MAGI2: variants seen among roughly 807,000 people sequenced by gnomAD.
MAGI2 encodes membrane associated guanylate kinase, WW and PDZ domain containing 2.
MAGI2 carries 35 observed loss-of-function variants against 133.3 expected under a neutral mutation model. The ratio of observed to expected loss-of-function variants is 0.26; its 90% CI spans 0.20 to 0.35. The LOEUF (loss-of-function observed/expected upper bound fraction) is 0.35, where lower values mean the gene tolerates loss of function less well. Among genes scored for constraint, MAGI2 ranks in the 10% least tolerant of loss-of-function variants. The pLI is 1.00. For missense variants in MAGI2, 1,636 were observed against 1,863.4 expected, an observed-to-expected ratio of 0.88 and a Z score of 2.25; for synonymous variants, 729 against 710.6, an observed-to-expected ratio of 1.03 and a Z score of -0.41.
At chr7:78,498,434 C>T (rs1223248490) in intron 5 of MAGI2, among the ~76,000 whole-genome samples, 1 of 152,078 alleles carries the variant, frequency 6.6e-6, no homozygotes. Flanking sequence ...GTCATAGAAG[C>T]AAAGGTTCTC....
intron 2 of MAGI2, among the ~76,000 whole-genome samples, chr7:78,753,537 A>G (rs1027912542): frequency 6.6e-6 from 1 of 152,128 alleles, no homozygotes; most frequent in African/African-American, 2.4e-5. Context: ...TGGCAGAAAA[A>G]ATATTTAAAT....
intron 10 of MAGI2, among the ~76,000 whole-genome samples, chr7:78,207,212 C>T (rs184908419): frequency 2.1e-5 from 3 of 144,008 alleles, no homozygotes; most frequent in African/African-American, 5.1e-5. Flanking sequence ...CCCACACAGA[C>T]CTTTCTACCT....
In MAGI2 at chr7:78,221,190, G is replaced by A. The variant is rs144196698; in HGVS notation, c.2048-19997C>T. Among the ~76,000 whole-genome samples the A allele has an allele frequency of 5.3e-5, 8 of 152,250 alleles. No homozygotes were observed. In the East Asian group the frequency reaches 1.4e-3, roughly 26 times the overall value. Reference sequence around the variant, plus strand: ...GGCTTTGTCAGATTTAAATTCCCAGGACAGGTTCAACAGTCTATTTTTCCT... The same window carrying A: ...GGCTTTGTCAGATTTAAATTCCCAGAACAGGTTCAACAGTCTATTTTTCCT... On this transcript the variant is annotated intron_variant, in intron 10 of 21. Coordinates refer to ENST00000354212, the MANE Select transcript of MAGI2 (RefSeq NM_012301.4).
intron 1 of MAGI2, among the ~76,000 whole-genome samples, chr7:79,171,520 C>G (rs1300930905): frequency 6.6e-6 from 1 of 151,234 alleles, no homozygotes; most frequent in African/African-American, 2.4e-5. Flanking sequence ...GATAATTGCC[C>G]ATTTTGGAAA....
intron 2 of MAGI2, among the ~76,000 whole-genome samples, chr7:78,797,368 T>A (rs973549598): frequency 1.3e-5 from 2 of 152,120 alleles, no homozygotes; most frequent in African/African-American, 4.8e-5. Context: ...TTTCTTTTAA[T>A]ATATTATGTG....
chr7:79,204,877 A>G (rs1228661261), intron 1 of MAGI2, among the ~76,000 whole-genome samples: 1 of 151,988 alleles, frequency 6.6e-6, no homozygotes, highest in African/African-American at 2.4e-5. Flanking sequence ...ACGAAGCAGA[A>G]GAAAGAATCT....
chr7:78,294,791 A>AACTT (rs1473735021), intron 9 of MAGI2, among the ~76,000 whole-genome samples: 4 of 152,274 alleles, frequency 2.6e-5, no homozygotes, highest in Admixed American at 6.5e-5. Flanking sequence ...CATCATTAGG[A>AACTT]ACTTACAGTC....
chr7:78,070,586 ATATATATG>A (rs1814550478), intron 21 of MAGI2, among the ~76,000 whole-genome samples: 1 of 68,238 alleles, frequency 1.5e-5, no homozygotes. Flanking sequence ...ATATATGTGT[ATATATATG>A]TGTATATATG....
At chr7:78,381,747 T>C (rs991613348) in intron 6 of MAGI2, among the ~76,000 whole-genome samples, 1 of 152,198 alleles carries the variant, frequency 6.6e-6, no homozygotes, top group Admixed American at 6.5e-5. Context: ...AACACTATAT[T>C]GAGACATCAT....
At chr7:78,293,383 A>C (rs1796918555) in intron 9 of MAGI2, among the ~76,000 whole-genome samples, 2 of 152,204 alleles carry the variant, frequency 1.3e-5, no homozygotes, top group African/African-American at 4.8e-5. Flanking sequence ...AACCACAATG[A>C]GATACCATCT....
chr7:78,703,833 A>AAC (rs550121443), intron 2 of MAGI2, among the ~76,000 whole-genome samples: 8 of 31,216 alleles, frequency 2.6e-4, no homozygotes, highest in East Asian at 4.3e-3. Flanking sequence ...TACACACACA[A>AAC]ACACACACAC....
At chr7:79,051,291 A>G (rs990134842) in intron 1 of MAGI2, among the ~76,000 whole-genome samples, 1 of 152,216 alleles carries the variant, frequency 6.6e-6, no homozygotes, top group African/African-American at 2.4e-5. Flanking sequence ...CGTGTTACCA[A>G]GACCCCTCAT....
intron 10 of MAGI2, chr7:78,251,498 C>T (rs1378312392): frequency 2.0e-5 from 3 of 151,952 alleles, no homozygotes; most frequent in African/African-American, 7.3e-5. Context: ...CAAAAAGCCT[C>T]CAGACTTAAA....
At chr7:78,163,823 CA>C in intron 15 of MAGI2, among the ~76,000 whole-genome samples, 1 of 147,722 alleles carries the variant, frequency 6.8e-6, no homozygotes. Flanking sequence ...AGGAGAATGG[CA>C]GGAACCCAGG....
intron 3 of MAGI2, among the ~76,000 whole-genome samples, chr7:78,603,823 T>C (rs1458933074): frequency 1.3e-5 from 2 of 152,144 alleles, no homozygotes; most frequent in Non-Finnish European, 2.9e-5. Flanking sequence ...GCCCAGCCAA[T>C]ATTTCTATTT....
At chr7:79,196,626 T>A (rs995091762) in intron 1 of MAGI2, among the ~76,000 whole-genome samples, 3 of 152,034 alleles carry the variant, frequency 2.0e-5, no homozygotes, top group African/African-American at 4.8e-5. Context: ...ATGACTATTG[T>A]TCACTGTAGT....
intron 6 of MAGI2, among the ~76,000 whole-genome samples, chr7:78,466,341 A>G (rs186521024): frequency 6.6e-6 from 1 of 152,296 alleles, no homozygotes; most frequent in Non-Finnish European, 1.5e-5. Context: ...TCCACTTTGC[A>G]CTGGAAGTGC....
chr7:78,091,456 T>G (rs1255002652), intron 20 of MAGI2, among the ~76,000 whole-genome samples: 1 of 152,172 alleles, frequency 6.6e-6, no homozygotes, highest in Non-Finnish European at 1.5e-5. Flanking sequence ...TACAAATTAC[T>G]CAGTCTCAGG....
intron 1 of MAGI2, among the ~76,000 whole-genome samples, chr7:79,039,847 CATATATATTATATATATATA>C (rs1811470563): frequency 7.1e-6 from 1 of 140,420 alleles, no homozygotes; most frequent in African/African-American, 2.6e-5. Context: ...ATTATATATA[CATATATATTATATATATATA>C]ATATATATGT....
Sources: gnomAD v4.1 joint callset for allele counts (sites outside exome capture counted in the v4.1 genomes callset) on GRCh38, gnomAD v4.1.1 for gene constraint, MANE v1.5 for transcripts, NCBI Gene and HGNC (gene_info 2026-07-23, HGNC 2026-07-21) for gene names.